The following ANKRD30BL variants were observed in gnomAD, a reference collection of about 807,000 sequenced individuals.
ANKRD30BL encodes ankyrin repeat domain 30B like.
In ANKRD30BL, 20 loss-of-function variants were observed where a neutral mutation model predicts 18.4. The ratio of observed to expected loss-of-function variants is 1.09; its 90% CI spans 0.77 to 1.58. The LOEUF (loss-of-function observed/expected upper bound fraction) is 1.58. Ranked by LOEUF, ANKRD30BL falls within the 40% of genes most tolerant of loss-of-function variation. ANKRD30BL has a pLI of 0.00. For synonymous variants in ANKRD30BL, 72 were observed against 100.9 expected, an observed-to-expected ratio of 0.71 and a Z score of 1.72; for missense variants, 224 against 268.6, an observed-to-expected ratio of 0.83 and a Z score of 1.16.
In ANKRD30BL at chr2:132,157,079, A is replaced by G. The variant is rs1352602408; in HGVS notation, c.401T>C (p.Val134Ala). The G allele has an allele frequency of 1.4e-6, 2 of 1,430,360 alleles. No homozygotes were observed. The highest frequency in any genetic ancestry group is 3.9e-5 in the Admixed American group (2 of 50,658). 88.6% of individuals were successfully genotyped at this position (1,430,360 alleles called of 1,614,324 possible). A position where few individuals can be genotyped will look rare whatever the true frequency, so the allele number is the denominator to read the frequency against. Residue 134 changes from valine to alanine, a missense_variant, in exon 3 of 6, where the codon GTA (valine) becomes GCA (alanine). Physicochemically the swap from Val to Ala is moderately conservative, Grantham distance 64. Around this residue, in one of 3 missense-constraint regions of ANKRD30BL, gnomAD observed 30 missense variants for 77.5 expected, o/e 0.39. Coordinates refer to ENST00000409867, the MANE Select transcript of ANKRD30BL (RefSeq NM_001358416.1). ...LIDSGADPNIVDVYGNTAVHY... is the reference protein window; with the variant it reads ...LIDSGADPNIADVYGNTAVHY... The stretch of plus-strand genomic sequence containing the variant: ...GACAGCTGTGTTGCCATACACATCT[A>G]CAATATTTGGATCAGCACCAGAATC...
intron 1 of ANKRD30BL, among the ~76,000 whole-genome samples, chr2:132,204,378 G>A (rs920868479): frequency 3.1e-4 from 47 of 151,846 alleles, no homozygotes; most frequent in African/African-American, 1.1e-3. Context: ...AGCATAGTGG[G>A]TGTGTGTGTA....
chr2:132,244,619 G>T (rs1408590578), intron 1 of ANKRD30BL, among the ~76,000 whole-genome samples: 60 of 151,892 alleles, frequency 4.0e-4, no homozygotes, highest in Non-Finnish European at 7.4e-4. Context: ...AGAATTCTCA[G>T]ACACTTCGTT....
At chr2:132,187,172 G>GTTT (rs1407000925) in intron 1 of ANKRD30BL, among the ~76,000 whole-genome samples, 8 of 80,268 alleles carry the variant, frequency 1.0e-4, no homozygotes, top group Middle Eastern at 6.7e-3. Flanking sequence ...GAAGTTTTTT[G>GTTT]TTTTTTTTTT....
chr2:132,254,362 A>C (rs1440016443), intron 1 of ANKRD30BL, among the ~76,000 whole-genome samples: 1 of 152,200 alleles, frequency 6.6e-6, no homozygotes, highest in African/African-American at 2.4e-5. Flanking sequence ...ATCCCTCCGC[A>C]GGTTCACCTA....
At chr2:132,222,517 T>C (rs1021285436) in intron 1 of ANKRD30BL, among the ~76,000 whole-genome samples, 1 of 152,172 alleles carries the variant, frequency 6.6e-6, no homozygotes, top group African/African-American at 2.4e-5. Context: ...CTTGGGATCC[T>C]GTTGATCTGT....
In ANKRD30BL at chr2:132,198,304, CTTTCTTTCTTTCTTTCTTTCTTT is replaced by C. The variant is rs1558928507; in HGVS notation, n.442-41181_442-41159del. Among the ~76,000 whole-genome samples the C allele has an allele frequency of 6.7e-4, 8 of 11,962 alleles. No homozygotes were observed. In the East Asian group the frequency reaches 8.0e-3, roughly 12 times the overall value. The allele number at this position is 11,962 out of a possible 152,430, so 7.8% of individuals were successfully genotyped here. A position where few individuals can be genotyped will look rare whatever the true frequency, so the allele number is the denominator to read the frequency against. ...TCTTTCTTTCTTTCTTTCTTTCTTT[CTTTCTTTCTTTCTTTCTTTCTTT>C]TTTTTTTTTTTTTTTAGACAGAGTC... On this transcript the variant is annotated intron_variant and non_coding_transcript_variant, in intron 1 of 4. Transcript: ENST00000470729.
At chr2:132,244,666 C>T (rs1183678488) in intron 1 of ANKRD30BL, among the ~76,000 whole-genome samples, 1 of 152,186 alleles carries the variant, frequency 6.6e-6, no homozygotes, top group South Asian at 2.1e-4. Context: ...TTGAACTTCT[C>T]TTTTGATAGA....
chr2:132,215,563 C>T (rs1207472900), intron 1 of ANKRD30BL, among the ~76,000 whole-genome samples: 15 of 151,928 alleles, frequency 9.9e-5, no homozygotes, highest in Non-Finnish European at 1.0e-4. Flanking sequence ...TGACAAATTA[C>T]TTTGTGATGT....
chr2:132,241,895 T>C (rs553257100), intron 1 of ANKRD30BL, among the ~76,000 whole-genome samples: 1 of 151,834 alleles, frequency 6.6e-6, no homozygotes, highest in Non-Finnish European at 1.5e-5. Context: ...AGAAACTTCT[T>C]TGTGATGATT....
At chr2:132,219,059 A>G (rs1289014580) in intron 1 of ANKRD30BL, among the ~76,000 whole-genome samples, 2 of 151,874 alleles carry the variant, frequency 1.3e-5, no homozygotes, top group Non-Finnish European at 2.9e-5. Context: ...TTCTTTTGAT[A>G]GAGTAGGTTG....
upstream of ANKRD30BL, among the ~76,000 whole-genome samples, chr2:132,165,217 A>ATT (rs201880811): frequency 2.9e-5 from 3 of 104,484 alleles, no homozygotes; most frequent in African/African-American, 1.4e-4. Context: ...CAAATCATTT[A>ATT]TTTTTTTAGG....
chr2:132,210,770 C>A (rs562352062), intron 1 of ANKRD30BL, among the ~76,000 whole-genome samples: 1 of 150,374 alleles, frequency 6.7e-6, no homozygotes, highest in East Asian at 2.0e-4. Context: ...GTGCATTCAT[C>A]TCACAAAGTT....
intron 1 of ANKRD30BL, among the ~76,000 whole-genome samples, chr2:132,247,482 G>T (rs367717232): frequency 2.1e-4 from 32 of 151,600 alleles, no homozygotes; most frequent in Admixed American, 8.6e-4. Context: ...TTCTACAAAA[G>T]GATTGTTTCC....
intron 1 of ANKRD30BL, among the ~76,000 whole-genome samples, chr2:132,246,491 T>A (rs1573890866): frequency 6.6e-6 from 1 of 151,890 alleles, no homozygotes; most frequent in Admixed American, 6.6e-5. Context: ...GACAGAACAA[T>A]TTTCAGGAAC....
intron 4 of ANKRD30BL, among the ~76,000 whole-genome samples, chr2:132,153,042 TTC>T (rs1687800834): frequency 2.6e-5 from 4 of 152,192 alleles, no homozygotes; most frequent in African/African-American, 9.6e-5. Context: ...TAGTAAGGGC[TTC>T]CTGGTCACAA....
At chr2:132,216,055 T>G (rs1347468135) in intron 1 of ANKRD30BL, among the ~76,000 whole-genome samples, 2 of 150,892 alleles carry the variant, frequency 1.3e-5, no homozygotes, top group Non-Finnish European at 3.0e-5. Context: ...GAAATTTCTT[T>G]GTGATGTGGG....
chr2:132,189,895 T>A (rs1410850101), intron 1 of ANKRD30BL, among the ~76,000 whole-genome samples: 1 of 145,220 alleles, frequency 6.9e-6, no homozygotes. Flanking sequence ...GAAAAAAAAA[T>A]AAATTAATTG....
rs34392915 is a variant in ANKRD30BL at position 132,168,900 on chromosome 2, G to GA, written n.442-11755dup. ...TCAATGAAGCTAGAAAGAAAAATAA[G>GA]AAAAAAAAACATTTGTACAGCATAA... On this transcript the variant is annotated intron_variant and non_coding_transcript_variant, in intron 1 of 4. Transcript: ENST00000470729. Among the ~76,000 whole-genome samples, 18 of 144,348 alleles carry GA rather than the reference G, an allele frequency of 1.2e-4. No homozygotes were observed. The East Asian group carries it at 1.4e-3, about 11-fold the overall frequency. 94.7% of individuals were successfully genotyped at this position (144,348 alleles called of 152,430 possible). A position where few individuals can be genotyped will look rare whatever the true frequency, so the allele number is the denominator to read the frequency against.
At chr2:132,164,160 G>A (rs1285943003), upstream of ANKRD30BL, among the ~76,000 whole-genome samples, 1 of 151,780 alleles carries the variant, frequency 6.6e-6, no homozygotes, top group Admixed American at 6.6e-5. Context: ...TATCAGAATC[G>A]CTATCCCATT....
Sources: allele counts gnomAD v4.1 joint callset (sites outside exome capture counted in the v4.1 genomes callset), GRCh38; gene constraint gnomAD v4.1.1; regional missense constraint gnomAD v4.1.1; transcripts MANE v1.5; gene names NCBI Gene and HGNC (gene_info 2026-07-23, HGNC 2026-07-21).